DUSP29: variants seen among roughly 807,000 people sequenced by gnomAD.
The protein encoded by DUSP29 is dual specificity phosphatase 29, also known as atypical dual-specific protein phosphatase.
In DUSP29, 12 loss-of-function variants were observed where a neutral mutation model predicts 13.5. The ratio of observed to expected loss-of-function variants is 0.89; its 90% confidence interval spans 0.57 to 1.44. The LOEUF (loss-of-function observed/expected upper bound fraction) is 1.44. DUSP29 is among the 40% of genes most tolerant of loss of function. The pLI, the probability that DUSP29 is intolerant of heterozygous loss-of-function variation, is 0.00. For synonymous variants in DUSP29, 134 were observed against 128.7 expected (o/e 1.04, Z -0.28); for missense variants, 308 against 301.1 (o/e 1.02, Z -0.17).
chr10:75,060,206 A>T (rs918353767), intron 1 of DUSP29, among the ~76,000 whole-genome samples: 2 of 152,104 alleles, frequency 1.3e-5, no homozygotes, highest in African/African-American at 4.8e-5. Context: ...GCAGTGGCTT[A>T]TGCCTGTAAT....
At chr10:75,066,958 C>CTTT (rs61298475) in intron 1 of DUSP29, among the ~76,000 whole-genome samples, 9 of 139,576 alleles carry the variant, frequency 6.4e-5, no homozygotes, top group African/African-American at 8.1e-5. Context: ...TTTTCTTTTT[C>CTTT]TTTTTTTTTT....
intron 2 of DUSP29, among the ~76,000 whole-genome samples, chr10:75,052,550 G>A (rs1036799634): frequency 5.3e-5 from 8 of 151,954 alleles, no homozygotes; most frequent in Admixed American, 1.3e-4. Flanking sequence ...CTCGTAATCC[G>A]CCTGCCTCGG....
intron 2 of DUSP29, among the ~76,000 whole-genome samples, chr10:75,048,473 CA>C (rs1846750734): frequency 6.6e-6 from 1 of 151,204 alleles, no homozygotes; most frequent in African/African-American, 2.4e-5. Flanking sequence ...GCTCACTGCT[CA>C]CTGCAACCTC....
At chr10:75,066,996 C>T (rs183632089) in intron 1 of DUSP29, among the ~76,000 whole-genome samples, 84 of 136,578 alleles carry the variant, frequency 6.2e-4, no homozygotes, top group African/African-American at 2.2e-3. Flanking sequence ...CTTACTCTGT[C>T]GCTCAGGCTG....
chr10:75,043,799 T>A lies in DUSP29; in HGVS notation c.419A>T (p.His140Leu). The A allele has an allele frequency of 6.2e-7, 1 of 1,612,088 alleles. No individual in the cohort carries two copies. Among genetic ancestry groups the A allele is most frequent in the East Asian group, 2.2e-5 (1 of 44,842 alleles). ...AFIDRALSDDHSKILVHCVMG... is the reference protein window; with the variant it reads ...AFIDRALSDDLSKILVHCVMG... ...GGGCGGGGCCGCGGGTCTCTTACTG[T>A]GGTCGTCGCTTAGCGCTCTGTCGAT... is the stretch of plus-strand genomic sequence containing the variant. Residue 140 changes from histidine (H) to leucine (L), a missense_variant and splice_region_variant, in exon 3 of 4, where the codon CAC becomes CTC. By Grantham distance (99) the His-to-Leu change is moderately conservative. Transcript: ENST00000338487.
chr10:75,039,767 T>G (rs1846546531), intron 3 of DUSP29, among the ~76,000 whole-genome samples: 1 of 152,224 alleles, frequency 6.6e-6, no homozygotes, highest in African/African-American at 2.4e-5. Flanking sequence ...AAAGAAATTC[T>G]GGTAGAGCCC....
In DUSP29 at chr10:75,037,813, T is replaced by C. The variant is rs1846494012; in HGVS notation, c.*23A>G. ...CCTCTCCCCTCTGTCCCCAAGTGCC[T>C]CTGCTGGCCCTGTGAGTCGGGCCTA... On this transcript the variant is annotated 3_prime_UTR_variant, in exon 4 of 4. Transcript: ENST00000338487. 6.3e-7 allele frequency: 1 copy of C among 1,587,660 alleles called. No homozygotes were observed. Among genetic ancestry groups the C allele is most frequent in the African/African-American group, 1.3e-5 (1 of 74,590 alleles).
At chr10:75,068,761 G>T (rs1847257009) in intron 1 of DUSP29, among the ~76,000 whole-genome samples, 2 of 152,154 alleles carry the variant, frequency 1.3e-5, no homozygotes. Flanking sequence ...TGGCAGCAGT[G>T]TCCATATGTA....
Position 75,043,855 on chromosome 10 carries a change from G to A in DUSP29, c.363C>T (p.Leu121=), listed in dbSNP as rs1010055208. The change falls in exon 3 of 4, where the codon CTC becomes CTT. Residue 121 remains leucine, a synonymous_variant. Transcript: ENST00000338487. ...CTGCCGCCGGGTAGAAGAAGACACT[G>A]AGGTCGAAGGTGGGCAGGTCGTCGG... The part of the protein sequence containing the change: ...VEADDLPTFD[L]SVFFYPAAAF... 1.2e-6 allele frequency: 2 copies of A among 1,614,030 alleles called. No individual in the cohort carries two copies. The highest frequency in any genetic ancestry group is 2.2e-5 in the South Asian group (2 of 91,084).
intron 1 of DUSP29, among the ~76,000 whole-genome samples, chr10:75,067,665 TAAG>T (rs1330448317): frequency 6.6e-6 from 1 of 152,168 alleles, no homozygotes; most frequent in Non-Finnish European, 1.5e-5. Context: ...TGTGCTGAGC[TAAG>T]CCAGGGAGGT....
chr10:75,070,419 T>C (rs572911609), intron 1 of DUSP29, among the ~76,000 whole-genome samples: 2 of 152,334 alleles, frequency 1.3e-5, no homozygotes, highest in African/African-American at 4.8e-5. Flanking sequence ...GCAGCTCTTA[T>C]GGGCCTTGGA....
chr10:75,042,162 C>T (rs1165672062), intron 3 of DUSP29, among the ~76,000 whole-genome samples: 1 of 152,268 alleles, frequency 6.6e-6, no homozygotes, highest in Non-Finnish European at 1.5e-5. Flanking sequence ...ACTGCTGATC[C>T]TCATTATAAC....
At chr10:75,044,844 G>T (rs1464884323) in intron 2 of DUSP29, among the ~76,000 whole-genome samples, 3 of 152,284 alleles carry the variant, frequency 2.0e-5, no homozygotes, top group Admixed American at 2.0e-4. Flanking sequence ...GGCAGGGAGA[G>T]GCCTGTGTCA....
At chr10:75,046,659 C>G (rs576834652) in intron 2 of DUSP29, among the ~76,000 whole-genome samples, 5 of 152,238 alleles carry the variant, frequency 3.3e-5, no homozygotes, top group Non-Finnish European at 7.3e-5. Flanking sequence ...ACTGAGCCCC[C>G]CTCCACTTGG....
chr10:75,045,764 T>TG (rs1041092798), intron 2 of DUSP29, among the ~76,000 whole-genome samples: 22 of 152,274 alleles, frequency 1.4e-4, no homozygotes, highest in African/African-American at 5.3e-4. Flanking sequence ...GCAAGTGTGG[T>TG]GGAAGTCTGC....
At chr10:75,047,588 A>T (rs1370104840) in intron 2 of DUSP29, among the ~76,000 whole-genome samples, 1 of 152,214 alleles carries the variant, frequency 6.6e-6, no homozygotes. Context: ...GGTCCACATA[A>T]ATGCCTCTGC....
At chr10:75,050,790 C>T (rs549055459) in intron 2 of DUSP29, among the ~76,000 whole-genome samples, 29 of 152,336 alleles carry the variant, frequency 1.9e-4, no homozygotes, top group African/African-American at 6.0e-4. Context: ...AAGACTTCCC[C>T]CGAACCCCAG....
At position 75,043,803 on chromosome 10, in the gene DUSP29, C is replaced by CG; in HGVS notation, c.414dup (p.Asp139ArgfsTer4). On this transcript the variant is annotated frameshift_variant, in exon 3 of 4. Coordinates refer to ENST00000338487, the MANE Select transcript of DUSP29 (RefSeq NM_001003892.3). LOFTEE classifies it high-confidence loss of function. The stretch of plus-strand genomic sequence containing the variant: ...GGGGCCGCGGGTCTCTTACTGTGGT[C>CG]GTCGCTTAGCGCTCTGTCGATGAAG... The CG allele has an allele frequency of 6.2e-7, 1 of 1,612,564 alleles. No homozygotes were observed. Among genetic ancestry groups the CG allele is most frequent in the Non-Finnish European group, 8.5e-7 (1 of 1,179,832 alleles).
chr10:75,057,443 C>T (rs1308311804), intron 2 of DUSP29, among the ~76,000 whole-genome samples: 3 of 152,054 alleles, frequency 2.0e-5, no homozygotes, highest in East Asian at 1.9e-4. Context: ...GCATTTTAAT[C>T]CCAGCTCTCT....
Sources: allele counts gnomAD v4.1 joint callset (sites outside exome capture counted in the v4.1 genomes callset), GRCh38; gene constraint gnomAD v4.1.1; transcripts MANE v1.5; gene names NCBI Gene and HGNC (gene_info 2026-07-23, HGNC 2026-07-21).